The following HELB variants were observed in gnomAD, a reference collection of about 807,000 sequenced individuals.
The protein encoded by HELB is DNA 5'-3' helicase B.
A neutral mutation model predicts 101.7 loss-of-function variants in HELB; 96 were observed. That is an observed-to-expected ratio of 0.94 (90% confidence interval 0.80 to 1.12). The LOEUF is 1.12. Among genes scored for constraint, HELB ranks in the 50% most tolerant of loss-of-function variants. The pLI, the probability that HELB is intolerant of heterozygous loss-of-function variation, is 0.00. For synonymous variants in HELB, 437 were observed against 459.7 expected (o/e 0.95, Z 0.63); for missense variants, 1,210 against 1,291.9 (o/e 0.94, Z 0.97).
Position 66,310,118 on chromosome 12 carries a change from C to G in HELB, c.1190C>G (p.Ser397Ter), listed in dbSNP as rs1217523592. 2 of 1,614,070 alleles carry G rather than the reference C, an allele frequency of 1.2e-6. No individual in the cohort carries two copies. Among genetic ancestry groups the G allele is most frequent in the Non-Finnish European group, 1.7e-6 (2 of 1,180,046 alleles). The change falls in exon 4 of 13, where the codon TCA becomes TGA. Residue 397 changes from serine to a stop codon, truncating the protein, a stop_gained. Coordinates refer to ENST00000247815, the MANE Select transcript of HELB (RefSeq NM_001370285.1). LOFTEE classifies it high-confidence loss of function. Reference sequence around the variant, plus strand: ...ATTCACACCACAAAACCTGAGAATTCAAGCGATGATGCATTGAATGAGAGC... The same window carrying G: ...ATTCACACCACAAAACCTGAGAATTGAAGCGATGATGCATTGAATGAGAGC... ...ASIHTTKPEN[S>*]SDDALNESKP... is the part of the protein sequence containing the mutation.
chr12:66,309,890 C>T lies in HELB; in HGVS notation c.962C>T (p.Thr321Ile), dbSNP rs528911976. Residue 321 changes from threonine (T) to isoleucine (I), a missense_variant, in exon 4 of 13, where the codon ACA becomes ATA. Transcript: ENST00000247815. ...GTTGAAGTGAATGACTTAACTTTGA[C>T]ATTGTCAAATCATATGTCATTTCAT... ...TYVEVNDLTLTLSNHMSFHAA... is the reference protein window; with the variant it reads ...TYVEVNDLTLILSNHMSFHAA... 6.2e-7 allele frequency: 1 copy of T among 1,614,122 alleles called. No homozygotes were observed. The highest frequency in any genetic ancestry group is 2.2e-5 in the East Asian group (1 of 44,880).
intron 11 of HELB, among the ~76,000 whole-genome samples, 162 bp from the exon 12 acceptor site, chr12:66,330,992 G>A (rs1229685904): frequency 2.6e-5 from 4 of 152,120 alleles, no homozygotes; most frequent in African/African-American, 9.7e-5. Context: ...AGAGTTCTTG[G>A]AGGATGAATA....
At chr12:66,341,092 C>T (rs2053915088), downstream of HELB, 1 of 153,440 alleles carries the variant, frequency 6.5e-6, no homozygotes, top group South Asian at 2.1e-4. Context: ...GATAGCATGG[C>T]TCAGTCCAAG....
intron 1 of HELB, among the ~76,000 whole-genome samples, chr12:66,304,175 TAAAC>T (rs1565634119): frequency 6.6e-6 from 1 of 152,244 alleles, no homozygotes; most frequent in Non-Finnish European, 1.5e-5. Context: ...TCTAGTGTAT[TAAAC>T]AAACATTCTT....
chr12:66,339,848 C>G (rs1186297754), downstream of HELB: 1 of 152,220 alleles, frequency 6.6e-6, no homozygotes, highest in Non-Finnish European at 1.5e-5. Context: ...TCCCAATAGA[C>G]TTGCCTATTG....
In HELB at chr12:66,304,995, T is replaced by G; in HGVS notation, c.452T>G (p.Val151Gly). The change falls in exon 2 of 13, where the codon GTA becomes GGA. Residue 151 changes from valine (V) to glycine (G), a missense_variant. Transcript: ENST00000247815. ...VNKFLTWVKE[V>G]SNYKNLNFEN... is the part of the protein sequence containing the mutation. ...AAATTTTTAACATGGGTAAAGGAGG[T>G]ATCAAACTACAAAAACCTAAACTTT... The G allele has an allele frequency of 6.2e-7, 1 of 1,613,894 alleles. No homozygotes were observed. The highest frequency in any genetic ancestry group is 8.5e-7 in the Non-Finnish European group (1 of 1,179,952).
At chr12:66,320,797 T>C (rs773749172) in intron 7 of HELB, among the ~76,000 whole-genome samples, 7 of 152,246 alleles carry the variant, frequency 4.6e-5, no homozygotes, top group Non-Finnish European at 7.3e-5. Flanking sequence ...TACAAAGTAC[T>C]AAGACCTAAG....
Position 66,310,299 on chromosome 12 carries a change from T to A in HELB, c.1371T>A (p.Asp457Glu), listed in dbSNP as rs1312531487. Residue 457 changes from aspartate (D) to glutamate (E), a missense_variant, in exon 4 of 13, where the codon GAT (aspartate) becomes GAA (glutamate). Asp to Glu is a conservative substitution (Grantham distance 45). This residue lies in a region of HELB where 470 missense variants were observed against 563.1 expected (regional missense o/e 0.83). Coordinates refer to ENST00000247815, the MANE Select transcript of HELB (RefSeq NM_001370285.1). The stretch of plus-strand genomic sequence containing the variant: ...AGGTTGAAGTTCCACTGGATCGGGA[T>A]CAGGTGGCTGCTTTGGAAATGATTT... ...QDQVEVPLDR[D>E]QVAALEMICS... 6.2e-7 allele frequency: 1 copy of A among 1,614,158 alleles called. No homozygotes were observed. Among genetic ancestry groups the A allele is most frequent in the South Asian group, 1.1e-5 (1 of 91,084 alleles).
At chr12:66,316,888 G>T (rs777162251) in intron 6 of HELB, among the ~76,000 whole-genome samples, 1 of 151,788 alleles carries the variant, frequency 6.6e-6, no homozygotes, top group South Asian at 2.1e-4. Flanking sequence ...GCTTGGTGGC[G>T]GGCGCCTGTA....
rs1387569990 is a variant in HELB at position 66,313,976 on chromosome 12, T to TTAGGAA, written c.1681-9_1681-8insAGGAAT. ...AACCTGACTTTAGGAATGCCATACTTTGCTTGTAGGTCAATTATAGCTTCT... is the reference window on the plus strand; with the variant it reads ...AACCTGACTTTAGGAATGCCATACTTTAGGAATGCTTGTAGGTCAATTATAGCTTCT... On this transcript the variant is annotated splice_polypyrimidine_tract_variant and intron_variant, in intron 4 of 12. Transcript: ENST00000247815. 6.2e-7 allele frequency: 1 copy of TTAGGAA among 1,612,810 alleles called. No individual in the cohort carries two copies. The highest frequency in any genetic ancestry group is 2.2e-5 in the East Asian group (1 of 44,852).
chr12:66,302,853 G>T lies in HELB; in HGVS notation c.187+63G>T, dbSNP rs1197166353. ...GTCCAAAGTAGCGCTTCCCATTCTG[G>T]CTTTGCCCTGAGCAAGGCACCCAGT... On this transcript the variant is annotated intron_variant, in intron 1 of 12. Coordinates refer to ENST00000247815, the MANE Select transcript of HELB (RefSeq NM_001370285.1). 4 of 1,443,500 alleles carry T rather than the reference G, an allele frequency of 2.8e-6. No homozygotes were observed. In the East Asian group the frequency reaches 1.0e-4, roughly 36 times the overall value. The allele number at this position is 1,443,500 out of a possible 1,614,324, so 89.4% of individuals were successfully genotyped here. A position where few individuals can be genotyped will look rare whatever the true frequency, so the allele number is the denominator to read the frequency against.
intron 12 of HELB, among the ~76,000 whole-genome samples, chr12:66,335,007 A>G (rs2053851738): frequency 6.6e-6 from 1 of 152,116 alleles, no homozygotes; most frequent in Admixed American, 6.5e-5. Context: ...TAAAAGAGAA[A>G]GTAATCCAGG....
rs750586618 is a variant in HELB, at chr12:66,331,516, C to T, written c.3033C>T (p.Leu1011=). The T allele has an allele frequency of 1.9e-6, 3 of 1,613,988 alleles. No individual in the cohort carries two copies. The highest frequency in any genetic ancestry group is 2.5e-6 in the Non-Finnish European group (3 of 1,180,024). The change falls in exon 12 of 13, where the codon CTC becomes CTT. Residue 1011 remains leucine, a synonymous_variant. Coordinates refer to ENST00000247815, the MANE Select transcript of HELB (RefSeq NM_001370285.1). ...CCTCTTCGCCTGATGAGAGGACACT[C>T]ACCTTTGCTGAAAGATGGCAATTAT... The part of the protein sequence containing the change: ...SEASSPDERT[L]TFAERWQLSS...
Position 66,309,887 on chromosome 12 carries a change from T to G in HELB, c.959T>G (p.Leu320Trp). ...TATGTTGAAGTGAATGACTTAACTT[T>G]GACATTGTCAAATCATATGTCATTT... ...HTYVEVNDLT[L>W]TLSNHMSFHA... Residue 320 changes from leucine to tryptophan, a missense_variant, in exon 4 of 13, where the codon TTG (leucine) becomes TGG (tryptophan). Leu to Trp is a moderately conservative substitution (Grantham distance 61, BLOSUM62 -2). This residue lies in a region of HELB where 470 missense variants were observed against 563.1 expected (regional missense o/e 0.83). Transcript: ENST00000247815. 1 of 1,614,204 alleles carries G rather than the reference T, an allele frequency of 6.2e-7. No homozygotes were observed. Among genetic ancestry groups the G allele is most frequent in the Non-Finnish European group, 8.5e-7 (1 of 1,180,024 alleles).
At chr12:66,330,892 A>G (rs572851937) in intron 11 of HELB, among the ~76,000 whole-genome samples, 4 of 152,242 alleles carry the variant, frequency 2.6e-5, no homozygotes, top group African/African-American at 9.6e-5. Context: ...TTAATACTGC[A>G]TGCAGTCTTT....
rs2053415012 is a variant in HELB, at chr12:66,302,547, T to G, written c.-57T>G. ...AGTCGTAGAACTGATTGGCTGATCA[T>G]GACCATGCAGTTAGCCAGGGTTTTC... is the stretch of plus-strand genomic sequence containing the variant. On this transcript the variant is annotated 5_prime_UTR_variant, in exon 1 of 13. The change abolishes an upstream ATG in the 5' untranslated region. Coordinates refer to ENST00000247815, the MANE Select transcript of HELB (RefSeq NM_001370285.1). 6.5e-7 allele frequency: 1 copy of G among 1,530,198 alleles called. No individual in the cohort carries two copies. The highest frequency in any genetic ancestry group is 2.3e-5 in the East Asian group (1 of 44,254). The allele number at this position is 1,530,198 out of a possible 1,614,324, so 94.8% of individuals were successfully genotyped here. A position where few individuals can be genotyped will look rare whatever the true frequency, so the allele number is the denominator to read the frequency against.
chr12:66,342,003 C>T (rs1266115842), downstream of HELB: 1 of 152,190 alleles, frequency 6.6e-6, no homozygotes, highest in Non-Finnish European at 1.5e-5. Context: ...GTTTTAAATT[C>T]TGATGATGAC....
At position 66,331,454 on chromosome 12, in the gene HELB, G is replaced by T. The variant is rs748580081; in HGVS notation, c.2971G>T (p.Asp991Tyr). 6.2e-7 allele frequency: 1 copy of T among 1,614,228 alleles called. No individual in the cohort carries two copies. The highest frequency in any genetic ancestry group is 8.5e-7 in the Non-Finnish European group (1 of 1,180,034). Residue 991 changes from aspartate to tyrosine, a missense_variant, in exon 12 of 13, where the codon GAC (aspartate) becomes TAC (tyrosine). Transcript: ENST00000247815. ...AGCATCTCCACTCCCTGTAGTCACA[G>T]ACCACGCCATGACAAATGATGTCAC... ...PSASPLPVVT[D>Y]HAMTNDVTWS...
At position 66,310,347 on chromosome 12, in the gene HELB, A is replaced by C; in HGVS notation, c.1419A>C (p.Ile473=). ...EMICSNPVTV[I]SGKGGCGKTT... Reference sequence around the variant, plus strand: ...TTTGCTCCAATCCTGTGACAGTCATAAGTGGGAAAGGTGGATGTGGGAAGA... The same window carrying C: ...TTTGCTCCAATCCTGTGACAGTCATCAGTGGGAAAGGTGGATGTGGGAAGA... Residue 473 remains isoleucine, a synonymous_variant, in exon 4 of 13, where the codon ATA becomes ATC. Coordinates refer to ENST00000247815, the MANE Select transcript of HELB (RefSeq NM_001370285.1). 6.2e-7 allele frequency: 1 copy of C among 1,614,186 alleles called. No homozygotes were observed. The highest frequency in any genetic ancestry group is 8.5e-7 in the Non-Finnish European group (1 of 1,180,030).
Sources: allele counts gnomAD v4.1 joint callset (sites outside exome capture counted in the v4.1 genomes callset), GRCh38; gene constraint gnomAD v4.1.1; regional missense constraint gnomAD v4.1.1; transcripts MANE v1.5; gene names NCBI Gene and HGNC (gene_info 2026-07-23, HGNC 2026-07-21).